The following ZC3H12C variants were observed in gnomAD, a reference collection of about 807,000 sequenced individuals.
ZC3H12C encodes probable ribonuclease ZC3H12C.
ZC3H12C carries 20 observed loss-of-function variants against 76.3 expected under a neutral mutation model. That is an observed-to-expected ratio of 0.26 (90% CI 0.18 to 0.38). The LOEUF is 0.38. ZC3H12C is among the 10% of genes least tolerant of loss of function. ZC3H12C has a pLI of 1.00. For synonymous variants in ZC3H12C, 352 were observed against 399.6 expected (o/e 0.88, Z 1.42); for missense variants, 874 against 1,086.5 (o/e 0.80, Z 2.75).
chr11:110,143,290 C>T (rs189537854), intron 2 of ZC3H12C, among the ~76,000 whole-genome samples: 24 of 152,062 alleles, frequency 1.6e-4, no homozygotes, highest in Non-Finnish European at 2.5e-4. Flanking sequence ...TTAAGGACTA[C>T]GGAATAGATG....
chr11:110,120,138 T>C (rs374457109), intron 1 of ZC3H12C, among the ~76,000 whole-genome samples: 1 of 152,194 alleles, frequency 6.6e-6, no homozygotes, highest in African/African-American at 2.4e-5. Flanking sequence ...ACTTGCTTTG[T>C]TCTTACTGTA....
At chr11:110,093,666 C>T (rs1002827833) in intron 1 of ZC3H12C, among the ~76,000 whole-genome samples, 2 of 152,040 alleles carry the variant, frequency 1.3e-5, no homozygotes, top group Non-Finnish European at 2.9e-5. Context: ...ATCCTCCCCT[C>T]GGGCAACGCC....
intron 1 of ZC3H12C, among the ~76,000 whole-genome samples, chr11:110,122,080 AAAG>A (rs1374698779): frequency 1.3e-5 from 2 of 152,210 alleles, no homozygotes; most frequent in Non-Finnish European, 2.9e-5. Context: ...TTTAACACTT[AAAG>A]AAGAACAAGA....
intron 1 of ZC3H12C, among the ~76,000 whole-genome samples, chr11:110,103,062 A>C (rs938792136): frequency 2.0e-5 from 3 of 152,214 alleles, no homozygotes; most frequent in Non-Finnish European, 2.9e-5. Context: ...TTACTATTAC[A>C]TTCACTTTAT....
At chr11:110,115,748 C>CTTTTTTTTTTTTTTT (rs71476067) in intron 1 of ZC3H12C, among the ~76,000 whole-genome samples, 2 of 120,320 alleles carry the variant, frequency 1.7e-5, no homozygotes, top group African/African-American at 6.4e-5. Flanking sequence ...TTCTCATTTT[C>CTTTTTTTTTTTTTTT]TTTTTTTTTT....
At chr11:110,153,773 CAAA>C (rs946897022) in intron 3 of ZC3H12C, among the ~76,000 whole-genome samples, 1 of 151,966 alleles carries the variant, frequency 6.6e-6, no homozygotes, top group African/African-American at 2.4e-5. Context: ...AACAACAGTT[CAAA>C]AAAGACATGT....
rs1054319342 is a variant in ZC3H12C at position 110,145,900 on chromosome 11, A to G, written c.774-7019A>G. Among the ~76,000 whole-genome samples the G allele has an allele frequency of 2.0e-5, 3 of 152,370 alleles. No individual in the cohort carries two copies. In the East Asian group the frequency reaches 5.8e-4, roughly 29 times the overall value. On this transcript the variant is annotated intron_variant, in intron 2 of 5. Transcript: ENST00000278590. ...AACAAGAGAGAGGCATGTTCTTCGA[A>G]CACAGGACCTATTGGCTCGGGAATC...
intron 2 of ZC3H12C, among the ~76,000 whole-genome samples, chr11:110,139,378 AAG>A (rs1326132325): frequency 1.3e-5 from 2 of 152,234 alleles, no homozygotes; most frequent in African/African-American, 4.8e-5. Context: ...TCTGTAATCC[AAG>A]GGTAATTGAA....
intron 1 of ZC3H12C, chr11:110,131,191 C>A: frequency 9.7e-7 from 1 of 1,031,452 alleles, no homozygotes; most frequent in South Asian, 1.4e-5. Flanking sequence ...TAAAAGAAAT[C>A]ACCTCCAATG....
chr11:110,111,364 T>C (rs1384495427), intron 1 of ZC3H12C, among the ~76,000 whole-genome samples: 1 of 152,172 alleles, frequency 6.6e-6, no homozygotes, highest in Non-Finnish European at 1.5e-5. Flanking sequence ...ACATACAGTG[T>C]ATAGAATTCT....
rs148466312 is a variant in ZC3H12C, at chr11:110,165,200, C to T, written c.2115C>T (p.His705=). ...TCCATCACAAGCCTCCTCTTCCGCA[C>T]CTGGCTCTGCACCTGCCGCACTCCG... ...PKFHHKPPLP[H]LALHLPHSAV... Residue 705 remains histidine, a synonymous_variant, in exon 6 of 6, where the codon CAC becomes CAT. Transcript: ENST00000278590. The T allele has an allele frequency of 5.5e-3, 8,899 of 1,613,942 alleles. 30 individuals carry two copies. The highest frequency in any genetic ancestry group is 6.5e-3 in the Non-Finnish European group (7,661 of 1,179,902).
intron 4 of ZC3H12C, among the ~76,000 whole-genome samples, chr11:110,162,945 G>C (rs1037790127): frequency 6.6e-6 from 1 of 152,088 alleles, no homozygotes; most frequent in Non-Finnish European, 1.5e-5. Context: ...TGTTGATAAA[G>C]CTCTCCTAAA....
At chr11:110,093,904 A>C (rs1220923674) in intron 1 of ZC3H12C, among the ~76,000 whole-genome samples, 1 of 151,696 alleles carries the variant, frequency 6.6e-6, no homozygotes, top group Non-Finnish European at 1.5e-5. Context: ...TCGCTTAACT[A>C]TCCATCCCTC....
In ZC3H12C at chr11:110,164,098, CA is replaced by C. The variant is rs35959407; in HGVS notation, c.1256-228del. ...TGGGTGACAGAGCAAGACCCTGTCT[CA>C]AAAAAAAAAAAAAAGTTCTGGAGGT... On this transcript the variant is annotated intron_variant, in intron 5 of 5. Transcript: ENST00000278590. The surrounding 1 kb of genome is among the most constrained non-coding windows in gnomAD (Gnocchi z 5.7). Among the ~76,000 whole-genome samples the C allele has an allele frequency of 0.7, 100,486 of 142,884 alleles. 34,852 individuals are homozygous for C. The highest frequency in any genetic ancestry group is 0.79 in the South Asian group (3,460 of 4,406). The allele number at this position is 142,884 out of a possible 152,430, so 93.7% of individuals were successfully genotyped here.
intron 1 of ZC3H12C, among the ~76,000 whole-genome samples, chr11:110,094,012 T>C (rs1241322764): frequency 6.6e-6 from 1 of 152,170 alleles, no homozygotes; most frequent in African/African-American, 2.4e-5. Flanking sequence ...AGATCCCTTT[T>C]ACACGCTGCG....
intron 1 of ZC3H12C, among the ~76,000 whole-genome samples, chr11:110,127,812 C>G (rs1378757274): frequency 1.3e-5 from 2 of 151,644 alleles, no homozygotes; most frequent in African/African-American, 4.9e-5. Context: ...TTGAGAATCC[C>G]TTGAAGCTGG....
intron 2 of ZC3H12C, among the ~76,000 whole-genome samples, chr11:110,137,734 A>G (rs1251278637): frequency 2.0e-5 from 3 of 152,164 alleles, no homozygotes; most frequent in African/African-American, 7.2e-5. Context: ...GAATAATTTG[A>G]TATGATAATA....
chr11:110,171,286 C>T lies in ZC3H12C; in HGVS notation c.*5549C>T, dbSNP rs1296469279. The T allele has an allele frequency of 6.6e-6, 1 of 152,222 alleles. No homozygotes were observed. Among genetic ancestry groups the T allele is most frequent in the Non-Finnish European group, 1.5e-5 (1 of 68,040 alleles). 9.4% of individuals were successfully genotyped at this position (152,222 alleles called of 1,614,324 possible). A position where few individuals can be genotyped will look rare whatever the true frequency, so the allele number is the denominator to read the frequency against. On this transcript the variant is annotated 3_prime_UTR_variant, in exon 6 of 6. Coordinates refer to ENST00000278590, the MANE Select transcript of ZC3H12C (RefSeq NM_033390.2). ...TGTGAAATATTCACAAACGTGCACA[C>T]TTCTGCAGAGACAAAGCATTTCACT...
intron 1 of ZC3H12C, among the ~76,000 whole-genome samples, chr11:110,115,111 T>C (rs1039783919): frequency 6.6e-6 from 1 of 152,096 alleles, no homozygotes; most frequent in South Asian, 2.1e-4. Context: ...TTTTATGTAT[T>C]TATTTATTTT....
Sources: gnomAD v4.1 joint callset for allele counts (sites outside exome capture counted in the v4.1 genomes callset) on GRCh38, gnomAD v4.1.1 for gene constraint, Gnocchi (gnomAD v3.1) non-coding constraint, MANE v1.5 for transcripts, NCBI Gene and HGNC (gene_info 2026-07-23, HGNC 2026-07-21) for gene names.